PCSK6: variants seen among roughly 807,000 people sequenced by gnomAD.
The protein encoded by PCSK6 is paired basic amino acid cleaving enzyme 4.
A neutral mutation model predicts 123.3 loss-of-function variants in PCSK6; 85 were observed. That is an observed-to-expected ratio of 0.69 (90% CI 0.58 to 0.83). The LOEUF (loss-of-function observed/expected upper bound fraction) is 0.83. PCSK6 is among the 40% of genes least tolerant of loss of function. PCSK6 has a pLI of 0.00. For missense variants in PCSK6, 1,191 were observed against 1,282.3 expected (o/e 0.93, Z 1.09); for synonymous variants, 508 against 516.0 (o/e 0.98, Z 0.21).
rs376733400 is a variant in PCSK6 at position 101,467,548 on chromosome 15, C to T, written c.297+21826G>A. Reference sequence around the variant, plus strand: ...TCAGCCTCCCAAAGTGCTGGAATTACAGGCATGAGCCACCACGACTGGCCA... The same window carrying T: ...TCAGCCTCCCAAAGTGCTGGAATTATAGGCATGAGCCACCACGACTGGCCA... On this transcript the variant is annotated intron_variant, in intron 1 of 21. Transcript: ENST00000611716. Among the ~76,000 whole-genome samples, 8 of 152,194 alleles carry T rather than the reference C, an allele frequency of 5.3e-5. No individual in the cohort carries two copies. In the South Asian group the frequency reaches 1.2e-3, roughly 24 times the overall value.
intron 11 of PCSK6, among the ~76,000 whole-genome samples, chr15:101,373,199 C>G (rs974203611): frequency 6.6e-6 from 1 of 152,164 alleles, no homozygotes; most frequent in East Asian, 1.9e-4. Flanking sequence ...CCGCCAGCCC[C>G]GCTGCTGCTG....
chr15:101,456,691 C>T (rs1036336779), intron 1 of PCSK6, among the ~76,000 whole-genome samples: 1 of 152,174 alleles, frequency 6.6e-6, no homozygotes, highest in African/African-American at 2.4e-5. Context: ...AAAACAGGGA[C>T]CCACATTCTT....
chr15:101,391,605 A>G (rs958295096), intron 8 of PCSK6, among the ~76,000 whole-genome samples: 2 of 152,238 alleles, frequency 1.3e-5, no homozygotes, highest in African/African-American at 4.8e-5. Flanking sequence ...CCCTCGCTCC[A>G]GGTGGACACA....
chr15:101,466,243 A>G (rs1285272472), intron 1 of PCSK6, among the ~76,000 whole-genome samples: 1 of 152,216 alleles, frequency 6.6e-6, no homozygotes, highest in African/African-American at 2.4e-5. Flanking sequence ...TTCTCTAAAA[A>G]AGAGACACAA....
At chr15:101,317,803 T>A (rs890922942) in intron 19 of PCSK6, among the ~76,000 whole-genome samples, 4 of 152,220 alleles carry the variant, frequency 2.6e-5, no homozygotes, top group African/African-American at 9.6e-5. Context: ...GGCCTTTGCA[T>A]TGTTTTGGGA....
intron 7 of PCSK6, among the ~76,000 whole-genome samples, chr15:101,394,224 C>G (rs924328498): frequency 6.6e-6 from 1 of 151,504 alleles, no homozygotes; most frequent in Non-Finnish European, 1.5e-5. Flanking sequence ...ATCCTCCTGC[C>G]TTAGCCTTCA....
chr15:101,402,731 A>T (rs1363243093), intron 6 of PCSK6, among the ~76,000 whole-genome samples: 2 of 152,264 alleles, frequency 1.3e-5, no homozygotes, highest in Non-Finnish European at 2.9e-5. Flanking sequence ...ATATCATCTC[A>T]CACCAGTTAG....
chr15:101,427,280 G>T (rs79040236), intron 6 of PCSK6, among the ~76,000 whole-genome samples: 2,083 of 152,234 alleles, frequency 0.014, 46 homozygotes, highest in African/African-American at 0.047. Context: ...GGGACAGCTG[G>T]ATCCAGGGAG....
chr15:101,312,786 C>T (rs557460160), intron 20 of PCSK6, among the ~76,000 whole-genome samples: 3 of 151,936 alleles, frequency 2.0e-5, no homozygotes, highest in East Asian at 1.9e-4. Context: ...GAGCCGAGAT[C>T]GCCCACTGCG....
intron 13 of PCSK6, among the ~76,000 whole-genome samples, chr15:101,350,641 C>A (rs1043682888): frequency 2.0e-5 from 3 of 152,142 alleles, no homozygotes; most frequent in African/African-American, 7.2e-5. Context: ...AAGAATGAGG[C>A]CAATGAAAAA....
chr15:101,353,593 C>G (rs1257275087), intron 13 of PCSK6, among the ~76,000 whole-genome samples: 1 of 152,246 alleles, frequency 6.6e-6, no homozygotes, highest in Non-Finnish European at 1.5e-5. Flanking sequence ...GGCTGGCACC[C>G]AGCAGAGGCT....
At chr15:101,436,488 C>G (rs2056605385) in intron 2 of PCSK6, among the ~76,000 whole-genome samples, 1 of 152,324 alleles carries the variant, frequency 6.6e-6, no homozygotes, top group East Asian at 1.9e-4. Flanking sequence ...TATTCTGTAA[C>G]TGTGAAAGAA....
intron 6 of PCSK6, among the ~76,000 whole-genome samples, chr15:101,413,465 GA>G (rs144985622): frequency 4.4e-4 from 64 of 146,846 alleles, no homozygotes; most frequent in African/African-American, 1.2e-3. Context: ...AGGAAGGCAG[GA>G]AAAAAAAAAC....
intron 1 of PCSK6, among the ~76,000 whole-genome samples, chr15:101,458,081 G>A (rs1464328478): frequency 1.3e-5 from 2 of 152,140 alleles, no homozygotes; most frequent in African/African-American, 4.8e-5. Flanking sequence ...GCAACAACAT[G>A]GTCAGACACA....
intron 6 of PCSK6, among the ~76,000 whole-genome samples, chr15:101,416,605 TCAGAGGCC>T (rs2055896169): frequency 6.6e-6 from 1 of 152,204 alleles, no homozygotes; most frequent in Non-Finnish European, 1.5e-5. Flanking sequence ...GCCCCTCCCA[TCAGAGGCC>T]CAGAGGCCCA....
chr15:101,324,568 G>A (rs1388357851), intron 17 of PCSK6, among the ~76,000 whole-genome samples: 2 of 152,210 alleles, frequency 1.3e-5, no homozygotes, highest in Non-Finnish European at 2.9e-5. Context: ...AGTAGTGGAC[G>A]TTGACTCTGT....
chr15:101,413,641 G>T (rs1234988116), intron 6 of PCSK6, among the ~76,000 whole-genome samples: 1 of 152,164 alleles, frequency 6.6e-6, no homozygotes, highest in South Asian at 2.1e-4. Flanking sequence ...AGACCGGGGG[G>T]CTACAGTTAG....
intron 1 of PCSK6, among the ~76,000 whole-genome samples, chr15:101,472,445 A>G (rs1177658696): frequency 2.0e-5 from 3 of 152,264 alleles, no homozygotes; most frequent in African/African-American, 7.2e-5. Context: ...ACATGGCCCA[A>G]GCTCGAGACT....
At chr15:101,316,556 G>T (rs60432383) in intron 19 of PCSK6, among the ~76,000 whole-genome samples, 4,628 of 152,318 alleles carry the variant, frequency 0.03, 226 homozygotes, top group African/African-American at 0.1. Context: ...ATAAGTCAAA[G>T]AAATAATAAA....
Sources: allele counts gnomAD v4.1 joint callset (sites outside exome capture counted in the v4.1 genomes callset), GRCh38; gene constraint gnomAD v4.1.1; transcripts MANE v1.5; gene names NCBI Gene and HGNC (gene_info 2026-07-23, HGNC 2026-07-21).